The following SAMMSON variants were observed in gnomAD, a reference collection of about 807,000 sequenced individuals.
The protein encoded by SAMMSON is survival associated mitochondrial melanoma specific oncogenic non-coding RNA, also known as long intergenic non-protein coding RNA 1212.
chr3:70,245,248 T>C (rs75704861), intron 4 of SAMMSON, among the ~76,000 whole-genome samples: 6,444 of 152,226 alleles, frequency 0.042, 210 homozygotes, highest in East Asian at 0.14. Flanking sequence ...CAAAAGAAGA[T>C]GAGAATTAGA....
At chr3:70,192,995 A>G (rs1701142961) in intron 4 of SAMMSON, among the ~76,000 whole-genome samples, 1 of 152,172 alleles carries the variant, frequency 6.6e-6, no homozygotes, top group African/African-American at 2.4e-5. Flanking sequence ...TCTATCCACA[A>G]GATTCTAGTA....
intron 3 of SAMMSON, among the ~76,000 whole-genome samples, chr3:70,019,930 T>C (rs1387788843): frequency 6.6e-6 from 1 of 152,206 alleles, no homozygotes. Flanking sequence ...TATTAAAATT[T>C]GGTGGAATGT....
At chr3:70,017,302 C>T (rs868197669) in intron 3 of SAMMSON, among the ~76,000 whole-genome samples, 5 of 152,216 alleles carry the variant, frequency 3.3e-5, no homozygotes, top group Middle Eastern at 3.4e-3. Context: ...AGGTCCTTCA[C>T]GTCCCTTGTA....
chr3:70,097,319 T>G (rs556438569), intron 4 of SAMMSON, among the ~76,000 whole-genome samples: 2 of 152,332 alleles, frequency 1.3e-5, no homozygotes, highest in African/African-American at 4.8e-5. Context: ...AGGCCTACTG[T>G]TCTTTGAAAG....
At chr3:70,405,628 G>A (rs1321090346) in intron 2 of SAMMSON, among the ~76,000 whole-genome samples, 2 of 152,192 alleles carry the variant, frequency 1.3e-5, no homozygotes, top group Non-Finnish European at 2.9e-5. Context: ...TGAAGACATA[G>A]TAATAGAATA....
intron 3 of SAMMSON, among the ~76,000 whole-genome samples, chr3:70,043,863 A>T (rs1460955052): frequency 1.3e-5 from 2 of 152,040 alleles, no homozygotes; most frequent in Admixed American, 6.6e-5. Flanking sequence ...ATTAGCAATG[A>T]AGCTTTTAAA....
intron 2 of SAMMSON, among the ~76,000 whole-genome samples, chr3:70,418,945 CTTTCCTTTCCTTTCCTTTCCT>C (rs1701286685): frequency 2.1e-5 from 2 of 96,494 alleles, no homozygotes; most frequent in Non-Finnish European, 4.9e-5. Flanking sequence ...CTTTCCTTTC[CTTTCCTTTCCTTTCCTTTCCT>C]TTCCTTCCTT....
intron 8 of SAMMSON, among the ~76,000 whole-genome samples, chr3:70,356,394 C>G (rs1043668999): frequency 2.6e-5 from 4 of 152,090 alleles, no homozygotes; most frequent in Non-Finnish European, 4.4e-5. Flanking sequence ...ATTTAACCAA[C>G]TTTAATCAAC....
chr3:70,232,002 C>T (rs1326364527), intron 4 of SAMMSON, among the ~76,000 whole-genome samples: 1 of 152,168 alleles, frequency 6.6e-6, no homozygotes, highest in Non-Finnish European at 1.5e-5. Flanking sequence ...GCTCCTTCCA[C>T]CCTTCTTCCC....
intron 3 of SAMMSON, among the ~76,000 whole-genome samples, chr3:70,033,560 G>A (rs1466016317): frequency 6.6e-6 from 1 of 152,184 alleles, no homozygotes; most frequent in Non-Finnish European, 1.5e-5. Context: ...ATGAGACATA[G>A]CTAGAACTTG....
At chr3:70,089,876 A>G (rs939247309) in intron 4 of SAMMSON, among the ~76,000 whole-genome samples, 11 of 152,122 alleles carry the variant, frequency 7.2e-5, no homozygotes, top group Non-Finnish European at 1.6e-4. Flanking sequence ...CCAGCCCTGC[A>G]TCTCTCCCCT....
intron 3 of SAMMSON, chr3:70,065,288 A>ATT (rs1475933167): frequency 1.3e-5 from 2 of 152,080 alleles, no homozygotes; most frequent in African/African-American, 4.8e-5. Context: ...CGGGGAGATA[A>ATT]TTAACATAGC....
At chr3:70,243,799 T>C (rs1701681607) in intron 4 of SAMMSON, among the ~76,000 whole-genome samples, 2 of 152,170 alleles carry the variant, frequency 1.3e-5, no homozygotes, top group South Asian at 4.1e-4. Flanking sequence ...TAAAAAGCAC[T>C]GAACTCAAGC....
chr3:70,045,477 A>G (rs915558580), intron 3 of SAMMSON, among the ~76,000 whole-genome samples: 7 of 151,832 alleles, frequency 4.6e-5, no homozygotes, highest in Admixed American at 4.0e-4. Flanking sequence ...ACACCTGCTC[A>G]CCAATAGTCC....
chr3:70,327,458 TG>T (rs549917912), intron 7 of SAMMSON, among the ~76,000 whole-genome samples: 43 of 152,080 alleles, frequency 2.8e-4, no homozygotes, highest in African/African-American at 9.6e-4. Flanking sequence ...TAGGCCAGAG[TG>T]GAGGAGACAG....
chr3:70,080,704 T>TA (rs398062442), intron 4 of SAMMSON, among the ~76,000 whole-genome samples: 1 of 152,126 alleles, frequency 6.6e-6, no homozygotes, highest in South Asian at 2.1e-4. Context: ...TTTTTTTTTT[T>TA]TAACCAAATA....
chr3:70,111,744 T>C (rs2067390461), intron 4 of SAMMSON, among the ~76,000 whole-genome samples: 1 of 152,182 alleles, frequency 6.6e-6, no homozygotes, highest in Non-Finnish European at 1.5e-5. Context: ...GCAATTTTGG[T>C]TCCAAAATCA....
At chr3:70,064,635 C>G (rs2067202406) in intron 3 of SAMMSON, among the ~76,000 whole-genome samples, 1 of 152,062 alleles carries the variant, frequency 6.6e-6, no homozygotes, top group Admixed American at 6.6e-5. Flanking sequence ...CCTGTACATT[C>G]TTATTTGGGT....
At chr3:70,099,934 C>T (rs545181494) in intron 4 of SAMMSON, among the ~76,000 whole-genome samples, 1 of 152,168 alleles carries the variant, frequency 6.6e-6, no homozygotes, top group Non-Finnish European at 1.5e-5. Flanking sequence ...TCAGAAGTAA[C>T]TGTCCTGAGG....
Sources: gnomAD v4.1 joint callset for allele counts (sites outside exome capture counted in the v4.1 genomes callset) on GRCh38, gnomAD v4.1.1 for gene constraint, MANE v1.5 for transcripts, NCBI Gene and HGNC (gene_info 2026-07-23, HGNC 2026-07-21) for gene names.